LPCAT3: variants seen among roughly 807,000 people sequenced by gnomAD.
The protein encoded by LPCAT3 is lysophospholipid acyltransferase 5.
LPCAT3 carries 21 observed loss-of-function variants against 63.4 expected under a neutral mutation model. The observed-to-expected ratio is 0.33, with a 90% CI of 0.23 to 0.48. The LOEUF is 0.48. Among genes scored for constraint, LPCAT3 ranks in the 20% least tolerant of loss-of-function variants. The pLI is 0.99. For missense variants in LPCAT3, 451 were observed against 590.6 expected, an observed-to-expected ratio of 0.76 and a Z score of 2.45; for synonymous variants, 242 against 227.5, an observed-to-expected ratio of 1.06 and a Z score of -0.58.
chr12:7,003,891 C>T (rs1019031939), intron 1 of LPCAT3, among the ~76,000 whole-genome samples: 6 of 145,588 alleles, frequency 4.1e-5, no homozygotes, highest in Admixed American at 3.5e-4. Context: ...CACTGCAGTC[C>T]GCAGTCCGGC....
rs1449200815 is a variant in LPCAT3, at chr12:6,976,791, C to T, written c.*113G>A. 3.3e-5 allele frequency: 6 copies of T among 182,838 alleles called. No individual in the cohort carries two copies. Among genetic ancestry groups the T allele is most frequent in the Middle Eastern group, 2.5e-3 (1 of 402 alleles). The allele number at this position is 182,838 out of a possible 1,614,324, so 11.3% of individuals were successfully genotyped here. A position where few individuals can be genotyped will look rare whatever the true frequency, so the allele number is the denominator to read the frequency against. ...GCAGCAGAGGCACAGCTGGAAGCAT[C>T]GATCTTCCACCTCCCTGGCTTTTCC... is the stretch of plus-strand genomic sequence containing the variant. On this transcript the variant is annotated 3_prime_UTR_variant, in exon 13 of 13. Transcript: ENST00000261407.
At chr12:6,992,568 A>G (rs782721199) in intron 1 of LPCAT3, among the ~76,000 whole-genome samples, 24 of 152,224 alleles carry the variant, frequency 1.6e-4, no homozygotes, top group South Asian at 2.1e-4. Flanking sequence ...TTTTTACCCC[A>G]AAGAGATTCC....
chr12:7,001,205 A>G (rs1464902318), intron 1 of LPCAT3, among the ~76,000 whole-genome samples: 1 of 152,064 alleles, frequency 6.6e-6, no homozygotes, highest in Non-Finnish European at 1.5e-5. Flanking sequence ...ATGAAGCTAA[A>G]AAAGCTTCAG....
In LPCAT3 at chr12:6,981,722, G is replaced by A. The variant is rs112093579; in HGVS notation, c.460+89C>T. 134 of 1,386,062 alleles carry A rather than the reference G, an allele frequency of 9.7e-5. 2 individuals carry two copies. Among genetic ancestry groups the A allele is most frequent in the South Asian group, 7.5e-4 (65 of 86,520 alleles). 85.9% of individuals were successfully genotyped at this position (1,386,062 alleles called of 1,614,324 possible). ...CTGAGTGCAGCCAGAAGTGTATGGC[G>A]GGGGGCGGAGGGGGGGTGCCGAGGA... On this transcript the variant is annotated intron_variant, in intron 4 of 12. Transcript: ENST00000261407.
chr12:6,981,801 C>G lies in LPCAT3; in HGVS notation c.460+10G>C, dbSNP rs1555154125. 6.2e-7 allele frequency: 1 copy of G among 1,607,282 alleles called. No individual in the cohort carries two copies. Among genetic ancestry groups the G allele is most frequent in the South Asian group, 1.1e-5 (1 of 90,938 alleles). On this transcript the variant is annotated intron_variant, in intron 4 of 12. Transcript: ENST00000261407. ...ACATGTAAGGAAGGCAGGCAGTGAC[C>G]ATCACTCACCAATCAGCTTCAAAGT...
intron 1 of LPCAT3, among the ~76,000 whole-genome samples, chr12:6,984,984 G>C (rs1946507068): frequency 6.6e-6 from 1 of 150,460 alleles, no homozygotes; most frequent in South Asian, 2.1e-4. Context: ...GCTTAGAATA[G>C]TATCATACAG....
intron 1 of LPCAT3, among the ~76,000 whole-genome samples, chr12:7,013,653 T>A (rs1946780117): frequency 6.6e-6 from 1 of 151,896 alleles, no homozygotes; most frequent in Admixed American, 6.6e-5. Context: ...CTACAGAATC[T>A]ACCTTTCAAA....
chr12:6,986,884 CGGGT>C (rs1477246545), intron 1 of LPCAT3, among the ~76,000 whole-genome samples: 1 of 150,030 alleles, frequency 6.7e-6, no homozygotes, highest in Non-Finnish European at 1.5e-5. Context: ...GAGGCTTAGG[CGGGT>C]GGGTCGCCTG....
chr12:6,992,308 G>A (rs868944934), intron 1 of LPCAT3, among the ~76,000 whole-genome samples: 1 of 151,824 alleles, frequency 6.6e-6, no homozygotes, highest in African/African-American at 2.4e-5. Context: ...ACTCTAGCCT[G>A]GGTAAGACCC....
chr12:7,001,506 C>G (rs1001256393), intron 1 of LPCAT3: 1 of 456,066 alleles, frequency 2.2e-6, no homozygotes, highest in East Asian at 6.9e-5. Flanking sequence ...GGCAGAGTCC[C>G]CAGATTAGTT....
At chr12:7,015,952 G>A (rs1227965383) in intron 1 of LPCAT3, among the ~76,000 whole-genome samples, 1 of 152,180 alleles carries the variant, frequency 6.6e-6, no homozygotes, top group Admixed American at 6.5e-5. Context: ...AATTCTTTAT[G>A]TCAACAAACA....
intron 1 of LPCAT3, among the ~76,000 whole-genome samples, chr12:7,010,233 AT>A (rs753853653): frequency 6.6e-6 from 1 of 151,638 alleles, no homozygotes; most frequent in South Asian, 2.1e-4. Flanking sequence ...TTTTCTCAAA[AT>A]TTTTTTTTCT....
rs199909611 is a variant in LPCAT3 at position 6,981,186 on chromosome 12, T to A, written c.499-4A>T. The A allele has an allele frequency of 8.7e-6, 14 of 1,602,958 alleles. No individual in the cohort carries two copies. Among genetic ancestry groups the A allele is most frequent in the Non-Finnish European group, 1.1e-5 (13 of 1,175,008 alleles). ...GTTGCTCAGAGGACAAGGAATTCTA[T>A]GCCAAGAAGAGAATGCATGGTTCAG... On this transcript the variant is annotated splice_polypyrimidine_tract_variant and splice_region_variant and intron_variant, in intron 5 of 12. Coordinates refer to ENST00000261407, the MANE Select transcript of LPCAT3 (RefSeq NM_005768.6).
At chr12:7,016,729 G>A (rs181060038) in intron 1 of LPCAT3, among the ~76,000 whole-genome samples, 2 of 152,306 alleles carry the variant, frequency 1.3e-5, no homozygotes, top group East Asian at 3.9e-4. Context: ...AAAAATAACT[G>A]GGTCAGAAAC....
At chr12:6,988,217 T>G (rs1555155011) in intron 1 of LPCAT3, 1 of 164,410 alleles carries the variant, frequency 6.1e-6, no homozygotes, top group Non-Finnish European at 1.3e-5. Context: ...GGTGAGGTAT[T>G]GCACACTAGC....
intron 1 of LPCAT3, among the ~76,000 whole-genome samples, chr12:6,984,498 A>C (rs1187218586): frequency 1.3e-5 from 2 of 152,186 alleles, no homozygotes; most frequent in Non-Finnish European, 2.9e-5. Context: ...GGATCTCTCA[A>C]CTGCTTTTTG....
chr12:6,978,167 T>C (rs989303987), intron 9 of LPCAT3, 174 bp downstream of exon 9: 2 of 720,834 alleles, frequency 2.8e-6, no homozygotes, highest in Non-Finnish European at 4.5e-6. Flanking sequence ...AATATGACAG[T>C]AATGGTTTTT....
intron 1 of LPCAT3, among the ~76,000 whole-genome samples, chr12:7,003,757 T>C (rs3867477): frequency 0.38 from 56,517 of 149,566 alleles, 12,394 homozygotes; most frequent in African/African-American, 0.59. Context: ...CCCGTCTCTA[T>C]TAAAAATACA....
chr12:7,010,481 C>T (rs1241143971), intron 1 of LPCAT3, among the ~76,000 whole-genome samples: 1 of 152,132 alleles, frequency 6.6e-6, no homozygotes, highest in Admixed American at 6.5e-5. Flanking sequence ...GTGATGTGAT[C>T]ATGGCTCACT....
Sources: allele counts gnomAD v4.1 joint callset (sites outside exome capture counted in the v4.1 genomes callset), GRCh38; gene constraint gnomAD v4.1.1; transcripts MANE v1.5; gene names NCBI Gene and HGNC (gene_info 2026-07-23, HGNC 2026-07-21).